Variants in NRXN3 observed in about 807,000 individuals in gnomAD.
NRXN3 encodes the protein neurexin III.
Under a neutral mutation model 137.6 loss-of-function variants are expected in NRXN3, and 32 were observed. The observed-to-expected ratio is 0.23, with a 90% CI of 0.18 to 0.31. NRXN3 has a LOEUF of 0.31. Ranked by LOEUF, NRXN3 falls within the 10% of genes least tolerant of loss-of-function variation. NRXN3 has a pLI of 1.00. For missense variants in NRXN3, 1,574 were observed against 2,062.5 expected (o/e 0.76, Z 4.59); for synonymous variants, 798 against 784.5 (o/e 1.02, Z -0.29).
intron 4 of NRXN3, among the ~76,000 whole-genome samples, chr14:78,353,097 G>C (rs1200829916): frequency 6.6e-6 from 1 of 152,150 alleles, no homozygotes; most frequent in Non-Finnish European, 1.5e-5. Flanking sequence ...AGATGATCTT[G>C]TCCAACATGG....
intron 15 of NRXN3, among the ~76,000 whole-genome samples, chr14:79,298,638 G>GC (rs1418511379): frequency 1.3e-5 from 2 of 152,034 alleles, no homozygotes; most frequent in East Asian, 3.9e-4. Context: ...GACTACATCT[G>GC]TTTTTTTCTT....
intron 8 of NRXN3, among the ~76,000 whole-genome samples, chr14:78,730,488 A>G (rs914605889): frequency 1.3e-4 from 20 of 152,010 alleles, no homozygotes; most frequent in Non-Finnish European, 2.2e-4. Context: ...AATAATGTCT[A>G]TTGTTTAAAG....
chr14:79,786,623 G>A (rs999335149), intron 19 of NRXN3, among the ~76,000 whole-genome samples: 5 of 152,198 alleles, frequency 3.3e-5, no homozygotes, highest in Non-Finnish European at 5.9e-5. Context: ...GTTAATGTGT[G>A]CTGTGCGACT....
At chr14:78,284,918 A>T (rs548143248) in intron 3 of NRXN3, among the ~76,000 whole-genome samples, 1 of 152,366 alleles carries the variant, frequency 6.6e-6, no homozygotes, top group South Asian at 2.1e-4. Context: ...CCAATGAAGA[A>T]CCTTGAGCTC....
intron 1 of NRXN3, among the ~76,000 whole-genome samples, chr14:78,227,965 TG>T (rs981180780): frequency 5.9e-5 from 9 of 152,104 alleles, no homozygotes; most frequent in Non-Finnish European, 1.3e-4. Flanking sequence ...CCTCTGCTGG[TG>T]TCATTTTTGC....
chr14:78,232,120 A>G (rs921660496), intron 1 of NRXN3, among the ~76,000 whole-genome samples: 3 of 152,184 alleles, frequency 2.0e-5, no homozygotes, highest in African/African-American at 7.2e-5. Context: ...TGTGCCTCAT[A>G]CCTGTGAGGT....
At chr14:79,772,373 A>G (rs1454004118) in intron 19 of NRXN3, among the ~76,000 whole-genome samples, 1 of 152,122 alleles carries the variant, frequency 6.6e-6, no homozygotes, top group Non-Finnish European at 1.5e-5. Context: ...CTGACTTCAA[A>G]CTATACTACA....
intron 15 of NRXN3, among the ~76,000 whole-genome samples, chr14:79,268,986 T>C (rs947435498): frequency 6.6e-6 from 1 of 152,216 alleles, no homozygotes; most frequent in African/African-American, 2.4e-5. Context: ...TCTACCATTG[T>C]TGTGGTTATT....
intron 4 of NRXN3, among the ~76,000 whole-genome samples, chr14:78,319,745 C>G (rs1305749151): frequency 6.6e-6 from 1 of 152,180 alleles, no homozygotes; most frequent in Non-Finnish European, 1.5e-5. Flanking sequence ...CTTTACTCTG[C>G]AAATGCAATG....
intron 19 of NRXN3, among the ~76,000 whole-genome samples, chr14:79,731,067 G>A (rs1176368318): frequency 6.6e-6 from 1 of 152,182 alleles, no homozygotes. Context: ...AGACACTGCG[G>A]GTTGCTAAGG....
intron 11 of NRXN3, among the ~76,000 whole-genome samples, chr14:78,957,863 T>G (rs931741604): frequency 1.3e-5 from 2 of 152,232 alleles, no homozygotes; most frequent in African/African-American, 4.8e-5. Context: ...TTAATCATTA[T>G]TAATTATCTA....
intron 4 of NRXN3, among the ~76,000 whole-genome samples, chr14:78,566,498 TAACCCAAA>T (rs1316351112): frequency 6.6e-6 from 1 of 152,010 alleles, no homozygotes; most frequent in Admixed American, 6.6e-5. Context: ...GCTAGATTAA[TAACCCAAA>T]GCCTTCCAAG....
At chr14:78,838,009 A>G (rs1596363291) in intron 10 of NRXN3, among the ~76,000 whole-genome samples, 1 of 152,138 alleles carries the variant, frequency 6.6e-6, no homozygotes, top group East Asian at 1.9e-4. Flanking sequence ...TATAAATGAG[A>G]TATTAATTAT....
chr14:79,855,499 T>C (rs986311403), intron 20 of NRXN3, among the ~76,000 whole-genome samples: 2 of 152,222 alleles, frequency 1.3e-5, no homozygotes, highest in Non-Finnish European at 2.9e-5. Context: ...GATGTTGTTT[T>C]ATCTTGATGC....
At chr14:78,536,312 AT>A (rs1262324419) in intron 4 of NRXN3, among the ~76,000 whole-genome samples, 11 of 152,254 alleles carry the variant, frequency 7.2e-5, no homozygotes, top group African/African-American at 2.6e-4. Flanking sequence ...TTTTCCCTAG[AT>A]AGTAGCTGGC....
chr14:78,176,744 T>C (rs2059309199), intron 1 of NRXN3, among the ~76,000 whole-genome samples: 1 of 152,134 alleles, frequency 6.6e-6, no homozygotes, highest in African/African-American at 2.4e-5. Flanking sequence ...TACTCCATCA[T>C]GCTGCCTGGT....
chr14:79,062,718 G>A (rs551984711), intron 15 of NRXN3, among the ~76,000 whole-genome samples: 73 of 152,218 alleles, frequency 4.8e-4, no homozygotes, highest in African/African-American at 1.7e-3. Flanking sequence ...ACCAAGAGAG[G>A]GGTCTTGTTT....
chr14:79,764,611 ACT>A (rs1365364688), intron 19 of NRXN3, among the ~76,000 whole-genome samples: 5 of 151,004 alleles, frequency 3.3e-5, no homozygotes, highest in South Asian at 4.2e-4. Flanking sequence ...TTTCTTCTAG[ACT>A]CTATTCCTTC....
At chr14:78,581,059 T>C (rs1411750099) in intron 4 of NRXN3, among the ~76,000 whole-genome samples, 1 of 152,246 alleles carries the variant, frequency 6.6e-6, no homozygotes, top group African/African-American at 2.4e-5. Flanking sequence ...ATAAACTTTT[T>C]ATTTAAGTCT....
Sources: gnomAD v4.1 joint callset for allele counts (sites outside exome capture counted in the v4.1 genomes callset) on GRCh38, gnomAD v4.1.1 for gene constraint, MANE v1.5 for transcripts, NCBI Gene and HGNC (gene_info 2026-07-23, HGNC 2026-07-21) for gene names.